Variants in AGBL4 observed in about 807,000 individuals in gnomAD.
The protein encoded by AGBL4 is AGBL carboxypeptidase 4.
Under a neutral mutation model 66.4 loss-of-function variants are expected in AGBL4, and 58 were observed. The observed-to-expected ratio is 0.87, with a 90% confidence interval of 0.71 to 1.09. The LOEUF is 1.09. Ranked by LOEUF, AGBL4 falls within the 50% of genes least tolerant of loss-of-function variation. AGBL4 has a pLI of 0.00. For synonymous variants in AGBL4, 234 were observed against 222.9 expected (o/e 1.05, Z -0.44); for missense variants, 579 against 631.0 (o/e 0.92, Z 0.88).
At chr1:48,694,074 C>G (rs1020914657) in intron 6 of AGBL4, among the ~76,000 whole-genome samples, 2 of 148,542 alleles carry the variant, frequency 1.3e-5, no homozygotes, top group Admixed American at 6.7e-5. Flanking sequence ...AAAAAAGCGG[C>G]AGAGCCTGTG....
chr1:49,714,894 C>T (rs1002148251), intron 2 of AGBL4, among the ~76,000 whole-genome samples: 1 of 152,000 alleles, frequency 6.6e-6, no homozygotes, highest in African/African-American at 2.4e-5. Flanking sequence ...TTTTCACCAA[C>T]AGTGTATAAC....
At chr1:49,558,153 C>T (rs867429914) in intron 3 of AGBL4, among the ~76,000 whole-genome samples, 2 of 151,934 alleles carry the variant, frequency 1.3e-5, no homozygotes, top group South Asian at 4.2e-4. Context: ...AAGGGCTGTG[C>T]GTGAGCCTTA....
At chr1:48,610,408 G>A (rs1484115050) in intron 9 of AGBL4, among the ~76,000 whole-genome samples, 4 of 152,176 alleles carry the variant, frequency 2.6e-5, no homozygotes, top group African/African-American at 9.7e-5. Flanking sequence ...TCATACCACA[G>A]AATCACTGCC....
At chr1:48,695,384 G>A (rs1646698666) in intron 6 of AGBL4, among the ~76,000 whole-genome samples, 1 of 152,180 alleles carries the variant, frequency 6.6e-6, no homozygotes, top group African/African-American at 2.4e-5. Context: ...TATTTACACT[G>A]CCATTATTCC....
chr1:49,363,442 T>A (rs1316061566), intron 3 of AGBL4, among the ~76,000 whole-genome samples: 3 of 152,200 alleles, frequency 2.0e-5, no homozygotes, highest in Non-Finnish European at 4.4e-5. Flanking sequence ...GCATTAATGA[T>A]ACTTGCACAG....
chr1:49,618,488 C>A (rs1645294016), intron 3 of AGBL4, among the ~76,000 whole-genome samples: 1 of 131,846 alleles, frequency 7.6e-6, no homozygotes, highest in African/African-American at 2.5e-5. Context: ...AGCCTACTAA[C>A]CAAAAAAGCC....
At chr1:49,135,052 A>G (rs1415071878) in intron 4 of AGBL4, among the ~76,000 whole-genome samples, 1 of 151,580 alleles carries the variant, frequency 6.6e-6, no homozygotes, top group East Asian at 2.0e-4. Context: ...TTCATTATTA[A>G]TATTCCTTAC....
chr1:48,727,840 CAT>C (rs751658064), intron 6 of AGBL4: 39 of 1,549,608 alleles, frequency 2.5e-5, no homozygotes, highest in Non-Finnish European at 3.4e-5. Flanking sequence ...TCGCAAATCA[CAT>C]GCCACACAAG....
intron 9 of AGBL4, among the ~76,000 whole-genome samples, chr1:48,625,090 CTCCTTCCTTCCTTCCTTCCTTCCTTCCT>C (rs66798647): frequency 2.3e-4 from 32 of 140,500 alleles, no homozygotes; most frequent in South Asian, 7.2e-4. Flanking sequence ...TTTTTTCTTT[CTCCTTCCTTCCTTCCTTCCTTCCTTCCT>C]TCCTTCCTTC....
At chr1:48,663,264 G>A (rs1469567070) in intron 6 of AGBL4, 23 bp from the exon 7 acceptor site, 20 of 1,612,914 alleles carry the variant, frequency 1.2e-5, no homozygotes, top group Non-Finnish European at 1.5e-5. Context: ...ATGAAAGATG[G>A]TTGCTAAGGA....
chr1:48,986,601 T>C (rs1660195041), intron 5 of AGBL4, among the ~76,000 whole-genome samples: 1 of 151,852 alleles, frequency 6.6e-6, no homozygotes. Context: ...TTTTCAGATA[T>C]AAAAAAGCTA....
chr1:49,308,188 TA>T (rs1485060168), intron 3 of AGBL4, among the ~76,000 whole-genome samples: 1 of 152,176 alleles, frequency 6.6e-6, no homozygotes, highest in African/African-American at 2.4e-5. Context: ...GTGAACCAAT[TA>T]AATCTTTTTC....
intron 3 of AGBL4, among the ~76,000 whole-genome samples, chr1:49,447,762 T>G (rs1418134511): frequency 6.6e-6 from 1 of 152,220 alleles, no homozygotes; most frequent in Non-Finnish European, 1.5e-5. Flanking sequence ...TTTGGGTTTC[T>G]GGCTGATCTT....
intron 3 of AGBL4, among the ~76,000 whole-genome samples, chr1:49,461,837 T>C (rs1310729265): frequency 6.6e-6 from 1 of 151,860 alleles, no homozygotes; most frequent in East Asian, 1.9e-4. Context: ...CCATTATGTA[T>C]ACGTGTCACA....
rs1266821507 is a variant in AGBL4, at chr1:49,115,343, GAAT to G, written c.378-69546_378-69544del. 5.3e-5 allele frequency among the ~76,000 whole-genome samples: 8 copies of G among 152,224 alleles called. No homozygotes were observed. The South Asian group carries it at 1.0e-3, about 20-fold the overall frequency. On this transcript the variant is annotated intron_variant, in intron 4 of 13. Transcript: ENST00000371839. ...TATTATTTTTCTTCTACTGAAAAGA[GAAT>G]ATTATAAAATTCTATGGTGTAGTTT...
chr1:48,657,961 T>A (rs1366948565), intron 7 of AGBL4, among the ~76,000 whole-genome samples: 1 of 152,250 alleles, frequency 6.6e-6, no homozygotes, highest in Non-Finnish European at 1.5e-5. Flanking sequence ...CTCCTCTCTT[T>A]GCCACTATAT....
chr1:48,611,892 C>T (rs377077914), intron 9 of AGBL4, among the ~76,000 whole-genome samples: 2 of 152,172 alleles, frequency 1.3e-5, no homozygotes, highest in South Asian at 2.1e-4. Flanking sequence ...CAAACAAAAA[C>T]TCAAGATAAA....
At chr1:49,332,574 C>T (rs1415822940) in intron 3 of AGBL4, among the ~76,000 whole-genome samples, 1 of 152,116 alleles carries the variant, frequency 6.6e-6, no homozygotes, top group Admixed American at 6.5e-5. Context: ...TTAAACAAAA[C>T]ACTAGTATAG....
intron 3 of AGBL4, among the ~76,000 whole-genome samples, chr1:49,483,561 A>G (rs1647000690): frequency 6.6e-6 from 1 of 152,028 alleles, no homozygotes; most frequent in South Asian, 2.1e-4. Flanking sequence ...GAAAAGAAGA[A>G]AATTAAACCC....
Sources: allele counts gnomAD v4.1 joint callset (sites outside exome capture counted in the v4.1 genomes callset), GRCh38; gene constraint gnomAD v4.1.1; transcripts MANE v1.5; gene names NCBI Gene and HGNC (gene_info 2026-07-23, HGNC 2026-07-21).